Variants in BRD10 observed in about 807,000 individuals in gnomAD.
The protein encoded by BRD10 is uncharacterized bromodomain-containing protein 10.
At chr9:5,880,288 C>A in the BRD10 span, among the ~76,000 whole-genome samples, 1 of 151,698 alleles carries the variant, frequency 6.6e-6, no homozygotes, top group Non-Finnish European at 1.5e-5. Flanking sequence ...CTGAGGTGGG[C>A]GAATCACAAG....
chr9:5,912,117 ATATTT>A, the BRD10 span, among the ~76,000 whole-genome samples: 3 of 152,028 alleles, frequency 2.0e-5, no homozygotes, highest in Non-Finnish European at 4.4e-5. Flanking sequence ...TAATTCTTAG[ATATTT>A]TATTTTATTT....
chr9:6,006,343 C>T, the BRD10 span, among the ~76,000 whole-genome samples: 2 of 151,858 alleles, frequency 1.3e-5, no homozygotes, highest in Non-Finnish European at 2.9e-5. Context: ...TAATAGTAAA[C>T]AGTCAAACTA....
chr9:5,891,501 G>T, the BRD10 span, among the ~76,000 whole-genome samples: 1 of 152,106 alleles, frequency 6.6e-6, no homozygotes, highest in African/African-American at 2.4e-5. Flanking sequence ...CCACTCTTCT[G>T]TCTCACCTCT....
chr9:5,922,988 G>A, the BRD10 span: 44 of 1,613,836 alleles, frequency 2.7e-5, no homozygotes, highest in Non-Finnish European at 3.6e-5. Context: ...AATGGGTTTG[G>A]TCCCTTTCTG....
At chr9:6,004,480 G>T in the BRD10 span, among the ~76,000 whole-genome samples, 1 of 152,178 alleles carries the variant, frequency 6.6e-6, no homozygotes, top group Non-Finnish European at 1.5e-5. Flanking sequence ...GCTCTCTAAT[G>T]AGAATGTGGT....
chr9:5,960,944 A>G, the BRD10 span, among the ~76,000 whole-genome samples: 1 of 152,244 alleles, frequency 6.6e-6, no homozygotes, highest in African/African-American at 2.4e-5. Context: ...GGGGAAAAAA[A>G]GCAGATTGTT....
chr9:5,988,291 T>C, the BRD10 span: 38 of 1,338,378 alleles, frequency 2.8e-5, no homozygotes, highest in South Asian at 2.1e-4. Flanking sequence ...AAATCTGATA[T>C]GGGCACATAA....
the BRD10 span, chr9:5,920,154 T>G: frequency 1.2e-6 from 2 of 1,613,984 alleles, no homozygotes; most frequent in Middle Eastern, 1.6e-4. Flanking sequence ...AAGGAATTAT[T>G]TGATGCTAGT....
At chr9:5,987,831 A>G in the BRD10 span, among the ~76,000 whole-genome samples, 3 of 152,172 alleles carry the variant, frequency 2.0e-5, no homozygotes, top group Non-Finnish European at 2.9e-5. Flanking sequence ...TTATAAATTG[A>G]AAAGTTATAT....
chr9:5,889,561 T>C, the BRD10 span, among the ~76,000 whole-genome samples: 524 of 152,072 alleles, frequency 3.4e-3, 3 homozygotes, highest in Middle Eastern at 0.017. Context: ...CTGAGGCAGG[T>C]GGATCATGAG....
chr9:5,895,397 A>G, the BRD10 span, among the ~76,000 whole-genome samples: 7 of 149,490 alleles, frequency 4.7e-5, no homozygotes, highest in Non-Finnish European at 3.0e-5. Flanking sequence ...TTTTTTTTTT[A>G]ATTTTTTTGC....
chr9:5,947,535 A>G, the BRD10 span, among the ~76,000 whole-genome samples: 1 of 152,130 alleles, frequency 6.6e-6, no homozygotes, highest in African/African-American at 2.4e-5. Context: ...TATTAAAATG[A>G]CGTTAATAGC....
chr9:5,890,709 C>A, the BRD10 span: 1 of 152,048 alleles, frequency 6.6e-6, no homozygotes, highest in Non-Finnish European at 1.5e-5. Context: ...AGCACTGGGA[C>A]TGGGGAAAAC....
At chr9:5,986,727 T>TA in the BRD10 span, among the ~76,000 whole-genome samples, 1 of 152,246 alleles carries the variant, frequency 6.6e-6, no homozygotes, top group Non-Finnish European at 1.5e-5. Flanking sequence ...TTATCATAGT[T>TA]ACTATGATAT....
At chr9:5,900,016 T>C in the BRD10 span, among the ~76,000 whole-genome samples, 1 of 152,244 alleles carries the variant, frequency 6.6e-6, no homozygotes, top group African/African-American at 2.4e-5. Flanking sequence ...GATTTCATTA[T>C]ATATTTGTAT....
chr9:5,920,094 T>TTA, the BRD10 span: 2 of 1,613,946 alleles, frequency 1.2e-6, no homozygotes, highest in Non-Finnish European at 1.7e-6. Flanking sequence ...CCAAAAGAGT[T>TTA]TATAAATTTT....
At chr9:6,000,125 C>A in the BRD10 span, among the ~76,000 whole-genome samples, 1 of 152,146 alleles carries the variant, frequency 6.6e-6, no homozygotes, top group Non-Finnish European at 1.5e-5. Context: ...TTCTAGTTAA[C>A]AATAACAACT....
At chr9:5,964,719 T>C in the BRD10 span, among the ~76,000 whole-genome samples, 1 of 118,360 alleles carries the variant, frequency 8.4e-6, no homozygotes. Context: ...TGGAATACTA[T>C]GCAGCCATAA....
the BRD10 span, chr9:5,921,354 T>C: frequency 6.2e-7 from 1 of 1,613,942 alleles, no homozygotes. Context: ...ATCAGTACTA[T>C]TTGGGGTTGC....
Sources: gnomAD v4.1 joint callset for allele counts (sites outside exome capture counted in the v4.1 genomes callset) on GRCh38, gnomAD v4.1.1 for gene constraint, MANE v1.5 for transcripts, NCBI Gene and HGNC (gene_info 2026-07-23, HGNC 2026-07-21) for gene names.